HBS1L: variants seen among roughly 807,000 people sequenced by gnomAD.
HBS1L encodes HBS1-like protein.
A neutral mutation model predicts 88.9 loss-of-function variants in HBS1L; 55 were observed. The ratio of observed to expected loss-of-function variants is 0.62; its 90% CI spans 0.50 to 0.77. The LOEUF is 0.77. Among genes scored for constraint, HBS1L ranks in the 30% least tolerant of loss-of-function variants. HBS1L has a pLI of 0.00. For missense variants in HBS1L, 741 were observed against 829.3 expected, an observed-to-expected ratio of 0.89 and a Z score of 1.31; for synonymous variants, 267 against 288.5, an observed-to-expected ratio of 0.93 and a Z score of 0.76.
Position 135,002,733 on chromosome 6 carries a change from C to T in HBS1L, c.539+1G>A. On this transcript the variant is annotated splice_donor_variant, in intron 5 of 17. Coordinates refer to ENST00000367837, the MANE Select transcript of HBS1L (RefSeq NM_006620.4). LOFTEE classifies it high-confidence loss of function. ...GATGAGGGAGGTACTCAAAGTCTTA[C>T]CCAGGCACTTCAAATCCCATAGTTT... The T allele has an allele frequency of 6.3e-7, 1 of 1,598,014 alleles. No homozygotes were observed. The highest frequency in any genetic ancestry group is 8.6e-7 in the Non-Finnish European group (1 of 1,165,692).
intron 4 of HBS1L, chr6:135,036,530 C>T (rs1317212610): frequency 1.5e-5 from 21 of 1,437,630 alleles, no homozygotes; most frequent in Non-Finnish European, 1.9e-5. Flanking sequence ...AAAAGCTCTA[C>T]AACAGCAATC....
rs533166847 is a variant in HBS1L, at chr6:135,027,351, C to A, written c.430+12222G>T. Among the ~76,000 whole-genome samples, 4 of 152,090 alleles carry A rather than the reference C, an allele frequency of 2.6e-5. No homozygotes were observed. In the East Asian group the frequency reaches 7.7e-4, roughly 29 times the overall value. On this transcript the variant is annotated intron_variant, in intron 4 of 17. Transcript: ENST00000367837. ...CTCAATAAACAGAGTACAGATCACA[C>A]ACTCTGATAAACAGTATAATAAAAC...
At chr6:135,022,624 T>A (rs568138409) in intron 4 of HBS1L, among the ~76,000 whole-genome samples, 3 of 152,110 alleles carry the variant, frequency 2.0e-5, no homozygotes, top group Non-Finnish European at 2.9e-5. Flanking sequence ...TGTATAAGTA[T>A]AAAATTCTCC....
chr6:134,970,638 T>C (rs1455091980), intron 15 of HBS1L, among the ~76,000 whole-genome samples: 1 of 152,216 alleles, frequency 6.6e-6, no homozygotes, highest in Admixed American at 6.5e-5. Context: ...AGCAATTTAA[T>C]GTGGCCATGA....
chr6:135,027,641 TAACA>T (rs1183852920), intron 4 of HBS1L, among the ~76,000 whole-genome samples: 1 of 152,248 alleles, frequency 6.6e-6, no homozygotes, highest in Non-Finnish European at 1.5e-5. Context: ...GATTCCAATC[TAACA>T]GTTTATTTAA....
intron 4 of HBS1L, among the ~76,000 whole-genome samples, chr6:135,015,578 C>T (rs1775896193): frequency 6.6e-6 from 1 of 151,910 alleles, no homozygotes; most frequent in South Asian, 2.1e-4. Flanking sequence ...CACACACATA[C>T]TGATTTATTT....
intron 13 of HBS1L, among the ~76,000 whole-genome samples, chr6:134,980,666 T>C (rs936644251): frequency 4.6e-5 from 7 of 151,846 alleles, no homozygotes; most frequent in African/African-American, 1.7e-4. Context: ...GTTCCACATA[T>C]GACATTTATC....
chr6:134,982,300 T>G, intron 13 of HBS1L, 158 bp downstream of exon 13: 1 of 584,292 alleles, frequency 1.7e-6, no homozygotes, highest in Non-Finnish European at 3.1e-6. Flanking sequence ...TCGTTTAATG[T>G]TTTCACATTT....
At position 135,030,349 on chromosome 6, in the gene HBS1L, G is replaced by A. The variant is rs184394257; in HGVS notation, c.430+9224C>T. 2.0e-4 allele frequency among the ~76,000 whole-genome samples: 31 copies of A among 151,330 alleles called. No homozygotes were observed. In the South Asian group the frequency reaches 3.5e-3, roughly 17 times the overall value. On this transcript the variant is annotated intron_variant, in intron 4 of 17. Coordinates refer to ENST00000367837, the MANE Select transcript of HBS1L (RefSeq NM_006620.4). Reference sequence around the variant, plus strand: ...ATGAAAGTTCCCCTACCCCATGATTGAGAGTAAAGTGATATCGAAACTGCA... The same window carrying A: ...ATGAAAGTTCCCCTACCCCATGATTAAGAGTAAAGTGATATCGAAACTGCA...
intron 4 of HBS1L, among the ~76,000 whole-genome samples, chr6:135,035,402 C>T (rs1471482651): frequency 6.7e-6 from 1 of 149,388 alleles, no homozygotes; most frequent in Non-Finnish European, 1.5e-5. Context: ...GTGAGCGTCA[C>T]TGCACTCCAG....
intron 2 of HBS1L, among the ~76,000 whole-genome samples, chr6:135,050,096 T>C (rs1300462646): frequency 2.6e-5 from 4 of 152,214 alleles, no homozygotes; most frequent in Admixed American, 2.6e-4. Flanking sequence ...TATACAGAAA[T>C]ATGAATGCCA....
At position 135,037,918 on chromosome 6, in the gene HBS1L, G is replaced by A. The variant is rs560062612; in HGVS notation, c.430+1655C>T. On this transcript the variant is annotated intron_variant, in intron 4 of 17. Coordinates refer to ENST00000367837, the MANE Select transcript of HBS1L (RefSeq NM_006620.4). ...ATGAGATAATCCGTATTTTCCTACTGAGCTAGCAAAATCAAAGGGTTTGCT... is the reference window on the plus strand; with the variant it reads ...ATGAGATAATCCGTATTTTCCTACTAAGCTAGCAAAATCAAAGGGTTTGCT... 38 of 1,551,028 alleles carry A rather than the reference G, an allele frequency of 2.4e-5. No individual in the cohort carries two copies. The African/African-American group carries it at 5.1e-4, about 21-fold the overall frequency.
At chr6:135,024,921 A>G (rs1776183599) in intron 4 of HBS1L, among the ~76,000 whole-genome samples, 1 of 152,176 alleles carries the variant, frequency 6.6e-6, no homozygotes. Context: ...CGGAATGCTT[A>G]GTGGCATCAA....
At chr6:135,012,143 G>A (rs904568056) in intron 4 of HBS1L, among the ~76,000 whole-genome samples, 1 of 152,054 alleles carries the variant, frequency 6.6e-6, no homozygotes, top group African/African-American at 2.4e-5. Context: ...GTTACCATAT[G>A]TAATGACAAA....
At chr6:135,041,886 TG>T in intron 3 of HBS1L, 114 bp downstream of exon 3, 1 of 815,176 alleles carries the variant, frequency 1.2e-6, no homozygotes, top group Non-Finnish European at 1.9e-6. Context: ...ATGAAAGATA[TG>T]TTTACATCAT....
intron 2 of HBS1L, among the ~76,000 whole-genome samples, chr6:135,047,588 C>T (rs1048965672): frequency 2.0e-5 from 3 of 152,172 alleles, no homozygotes; most frequent in South Asian, 2.1e-4. Context: ...AACTCTCAAG[C>T]GATGCTGATG....
intron 3 of HBS1L, among the ~76,000 whole-genome samples, chr6:135,040,957 T>C (rs1048895056): frequency 2.0e-5 from 3 of 152,172 alleles, no homozygotes; most frequent in African/African-American, 7.2e-5. Context: ...ATGAGCTAGA[T>C]ATATCAAGCA....
chr6:134,976,449 C>T (rs1191861633), intron 15 of HBS1L, among the ~76,000 whole-genome samples: 3 of 152,064 alleles, frequency 2.0e-5, no homozygotes, highest in African/African-American at 7.2e-5. Context: ...CAAAAAGATA[C>T]TTGAATGCAT....
chr6:134,985,408 A>G lies in HBS1L; in HGVS notation c.1425T>C (p.Asp475=), dbSNP rs993470822. The G allele has an allele frequency of 1.9e-6, 3 of 1,591,096 alleles. No homozygotes were observed. In the Admixed American group the frequency reaches 5.5e-5, roughly 29 times the overall value. ...YKGLCLLEQI[D]SFKPPQRSID... Reference sequence around the variant, plus strand: ...TAGATCGCTGGGGAGGCTTAAAGGAATCTGGAAAAAAGAAATTGCAAAAGG... The same window carrying G: ...TAGATCGCTGGGGAGGCTTAAAGGAGTCTGGAAAAAAGAAATTGCAAAAGG... The change falls in exon 12 of 18, where the codon GAT becomes GAC. Residue 475 remains aspartate, a splice_region_variant and synonymous_variant. Transcript: ENST00000367837.
Sources: gnomAD v4.1 joint callset for allele counts (sites outside exome capture counted in the v4.1 genomes callset) on GRCh38, gnomAD v4.1.1 for gene constraint, MANE v1.5 for transcripts, NCBI Gene and HGNC (gene_info 2026-07-23, HGNC 2026-07-21) for gene names.